The following ZSWIM5 variants were observed in gnomAD, a reference collection of about 807,000 sequenced individuals.
ZSWIM5 encodes the protein zinc finger SWIM domain-containing protein 5.
Under a neutral mutation model 119.6 loss-of-function variants are expected in ZSWIM5, and 55 were observed. The ratio of observed to expected loss-of-function variants is 0.46; its 90% CI spans 0.37 to 0.58. The LOEUF is 0.58. Among genes scored for constraint, ZSWIM5 ranks in the 20% least tolerant of loss-of-function variants. The probability of loss-of-function intolerance (pLI) is 0.00; values close to 1 mark genes in which losing one functional copy is unlikely to be tolerated. For synonymous variants in ZSWIM5, 537 were observed against 606.9 expected (o/e 0.88, Z 1.69); for missense variants, 1,193 against 1,512.8 (o/e 0.79, Z 3.51).
intron 1 of ZSWIM5, among the ~76,000 whole-genome samples, chr1:45,190,620 AT>A: frequency 1.3e-5 from 2 of 152,298 alleles, no homozygotes; most frequent in Admixed American, 1.3e-4. Flanking sequence ...GGACCAAGGC[AT>A]TTATTCCTCT....
chr1:45,117,538 T>G (rs1645565784), intron 1 of ZSWIM5, among the ~76,000 whole-genome samples: 1 of 152,140 alleles, frequency 6.6e-6, no homozygotes, highest in Non-Finnish European at 1.5e-5. Flanking sequence ...CCAGGCATGA[T>G]AGTACATACT....
At chr1:45,199,294 CTTTT>C (rs557544245) in intron 1 of ZSWIM5, among the ~76,000 whole-genome samples, 3 of 139,940 alleles carry the variant, frequency 2.1e-5, no homozygotes, top group African/African-American at 2.6e-5. Flanking sequence ...CTTCAATAGT[CTTTT>C]TTTTTTTTTT....
intron 11 of ZSWIM5, among the ~76,000 whole-genome samples, chr1:45,030,286 C>T (rs576972098): frequency 1.1e-3 from 167 of 152,094 alleles, no homozygotes; most frequent in African/African-American, 3.5e-3. Flanking sequence ...CTTGCTCTGT[C>T]GCCCAGGCTG....
intron 1 of ZSWIM5, among the ~76,000 whole-genome samples, chr1:45,152,675 A>G (rs971889429): frequency 1.3e-5 from 2 of 152,158 alleles, no homozygotes; most frequent in Non-Finnish European, 2.9e-5. Flanking sequence ...AGAAAACACC[A>G]TTCTGGATGC....
rs910205879 is a variant in ZSWIM5, at chr1:45,144,364, G to GA, written c.596-56128dup. Among the ~76,000 whole-genome samples the GA allele has an allele frequency of 1.8e-3, 235 of 133,794 alleles. 1 individual carries two copies. The highest frequency in any genetic ancestry group is 2.2e-3 in the African/African-American group (79 of 36,664). The allele number at this position is 133,794 out of a possible 152,430, so 87.8% of individuals were successfully genotyped here. A position where few individuals can be genotyped will look rare whatever the true frequency, so the allele number is the denominator to read the frequency against. On this transcript the variant is annotated intron_variant, in intron 1 of 13. Coordinates refer to ENST00000359600, the MANE Select transcript of ZSWIM5 (RefSeq NM_020883.2). ...TCAGTATCACGAGATCTTGTCTCTA[G>GA]AAAAAAAAAAAAAGAAAAAATTGCC...
chr1:45,122,493 C>T (rs1016778330), intron 1 of ZSWIM5, among the ~76,000 whole-genome samples: 3 of 152,088 alleles, frequency 2.0e-5, no homozygotes, highest in Non-Finnish European at 4.4e-5. Context: ...CCAACAAACC[C>T]TGGACATTAT....
chr1:45,191,463 C>A (rs1269124097), intron 1 of ZSWIM5, among the ~76,000 whole-genome samples: 1 of 152,134 alleles, frequency 6.6e-6, no homozygotes, highest in African/African-American at 2.4e-5. Flanking sequence ...AATACCCCAC[C>A]CAGGGTTATG....
chr1:45,100,582 G>T (rs570224533), intron 1 of ZSWIM5, among the ~76,000 whole-genome samples: 67 of 152,238 alleles, frequency 4.4e-4, no homozygotes, highest in African/African-American at 1.6e-3. Flanking sequence ...AAAAGAGCCT[G>T]CATTGCCAAG....
At chr1:45,187,687 G>A (rs1646067624) in intron 1 of ZSWIM5, among the ~76,000 whole-genome samples, 1 of 151,994 alleles carries the variant, frequency 6.6e-6, no homozygotes, top group Admixed American at 6.6e-5. Flanking sequence ...AAATATATTT[G>A]CAAATCACAT....
intron 1 of ZSWIM5, among the ~76,000 whole-genome samples, chr1:45,168,775 T>A (rs1010475145): frequency 6.6e-6 from 1 of 152,030 alleles, no homozygotes; most frequent in South Asian, 2.1e-4. Context: ...TTTAAAAATA[T>A]CTGGTTTCAC....
intron 1 of ZSWIM5, among the ~76,000 whole-genome samples, chr1:45,200,359 T>C (rs879610856): frequency 1.1e-4 from 16 of 152,188 alleles, no homozygotes; most frequent in African/African-American, 2.7e-4. Context: ...CCAAGAAGCA[T>C]GCTGCCTATG....
intron 1 of ZSWIM5, among the ~76,000 whole-genome samples, chr1:45,189,160 CAAA>C (rs1646076311): frequency 6.6e-6 from 1 of 151,998 alleles, no homozygotes; most frequent in Non-Finnish European, 1.5e-5. Flanking sequence ...ACTAATAATA[CAAA>C]AATTAGCCAG....
chr1:45,170,722 C>A (rs1490882498), intron 1 of ZSWIM5, among the ~76,000 whole-genome samples: 1 of 151,926 alleles, frequency 6.6e-6, no homozygotes, highest in East Asian at 1.9e-4. Flanking sequence ...CAGGTGCATG[C>A]CACCACACAA....
intron 7 of ZSWIM5, among the ~76,000 whole-genome samples, 199 bp from the exon 8 acceptor site, chr1:45,039,272 G>A (rs957968525): frequency 3.3e-5 from 5 of 152,204 alleles, no homozygotes; most frequent in African/African-American, 1.2e-4. Context: ...CATTTGGGTT[G>A]CCTGCTGGTA....
At position 45,020,145 on chromosome 1, in the gene ZSWIM5, C is replaced by T; in HGVS notation, c.2616G>A (p.Val872=). 6.2e-7 allele frequency: 1 copy of T among 1,614,138 alleles called. No individual in the cohort carries two copies. ...LNVALELGLQ[V]MRMTLSTLNW... Reference sequence around the variant, plus strand: ...TAAGGGTTGATAAGGTCATCCGCATCACCTGGGCACAAAAGAGGCCTTTCC... The same window carrying T: ...TAAGGGTTGATAAGGTCATCCGCATTACCTGGGCACAAAAGAGGCCTTTCC... Residue 872 remains valine, a splice_region_variant and synonymous_variant, in exon 13 of 14, where the codon GTG becomes GTA. Transcript: ENST00000359600.
At position 45,019,949 on chromosome 1, in the gene ZSWIM5, C is replaced by T; in HGVS notation, c.2695+117G>A. On this transcript the variant is annotated intron_variant, in intron 13 of 13. Coordinates refer to ENST00000359600, the MANE Select transcript of ZSWIM5 (RefSeq NM_020883.2). This position sits in a 1 kb window ranked among gnomAD's most constrained non-coding sequence, Gnocchi z 5.0. Reference sequence around the variant, plus strand: ...AGCCCCATCCTTTCTTAGGCCATCTCCTGATGGACCTAAGATCTCATAGGA... The same window carrying T: ...AGCCCCATCCTTTCTTAGGCCATCTTCTGATGGACCTAAGATCTCATAGGA... 3.4e-6 allele frequency: 3 copies of T among 887,402 alleles called. No homozygotes were observed. The highest frequency in any genetic ancestry group is 5.3e-6 in the Non-Finnish European group (3 of 567,134). The allele number at this position is 887,402 out of a possible 1,614,324, so 55.0% of individuals were successfully genotyped here.
At chr1:45,175,987 C>A (rs1226424142) in intron 1 of ZSWIM5, among the ~76,000 whole-genome samples, 1 of 151,810 alleles carries the variant, frequency 6.6e-6, no homozygotes, top group East Asian at 1.9e-4. Context: ...ACTTTCTCTG[C>A]CTCACCCCTA....
intron 1 of ZSWIM5, among the ~76,000 whole-genome samples, chr1:45,160,628 A>G (rs1406544085): frequency 6.6e-6 from 1 of 151,192 alleles, no homozygotes. Context: ...TTATGGCCGA[A>G]TAGTATTTCA....
rs1645225487 is a variant in ZSWIM5 at position 45,072,088 on chromosome 1, T to C, written c.953-11841A>G. ...TTCTCCACATCCTCACCAGCACTTC[T>C]TATTGCCTGTCTTTTGGATATAAGC... On this transcript the variant is annotated intron_variant, in intron 2 of 13. Coordinates refer to ENST00000359600, the MANE Select transcript of ZSWIM5 (RefSeq NM_020883.2). This position sits in a 1 kb window ranked among gnomAD's most constrained non-coding sequence, Gnocchi z 4.1. Among the ~76,000 whole-genome samples, 1 of 152,094 alleles carries C rather than the reference T, an allele frequency of 6.6e-6. No individual in the cohort carries two copies. Among genetic ancestry groups the C allele is most frequent in the South Asian group, 2.1e-4 (1 of 4,822 alleles).
Sources: gnomAD v4.1 joint callset for allele counts (sites outside exome capture counted in the v4.1 genomes callset) on GRCh38, gnomAD v4.1.1 for gene constraint, Gnocchi (gnomAD v3.1) non-coding constraint, MANE v1.5 for transcripts, NCBI Gene and HGNC (gene_info 2026-07-23, HGNC 2026-07-21) for gene names.